HECW1: variants seen among roughly 807,000 people sequenced by gnomAD.
HECW1 encodes HECT, C2 and WW domain containing E3 ubiquitin protein ligase 1, also known as E3 ubiquitin-protein ligase HECW1.
A neutral mutation model predicts 182.3 loss-of-function variants in HECW1; 61 were observed. The observed-to-expected ratio is 0.33, with a 90% CI of 0.27 to 0.41. The LOEUF (loss-of-function observed/expected upper bound fraction) is 0.41, where lower values mean the gene tolerates loss of function less well. Ranked by LOEUF, HECW1 falls within the 10% of genes least tolerant of loss-of-function variation. The probability of loss-of-function intolerance (pLI) is 1.00; values close to 1 mark genes in which losing one functional copy is unlikely to be tolerated. For synonymous variants in HECW1, 859 were observed against 832.6 expected, an observed-to-expected ratio of 1.03 and a Z score of -0.55; for missense variants, 1,739 against 2,108.9, an observed-to-expected ratio of 0.82 and a Z score of 3.44.
chr7:43,166,302 C>T (rs1176569988), intron 2 of HECW1, among the ~76,000 whole-genome samples: 3 of 152,112 alleles, frequency 2.0e-5, no homozygotes, highest in East Asian at 1.9e-4. Flanking sequence ...AGGTTGGTCA[C>T]GAACTCCTGA....
intron 24 of HECW1, among the ~76,000 whole-genome samples, chr7:43,524,500 G>A (rs1350688715): frequency 1.3e-5 from 2 of 152,104 alleles, no homozygotes; most frequent in Non-Finnish European, 2.9e-5. Flanking sequence ...GGAAAGAGGG[G>A]TATCTTTGAG....
chr7:43,332,024 A>G (rs1488878128), intron 5 of HECW1, among the ~76,000 whole-genome samples: 1 of 152,164 alleles, frequency 6.6e-6, no homozygotes, highest in Non-Finnish European at 1.5e-5. Context: ...AGTGTGGGTG[A>G]CGCAGGTGGC....
At chr7:43,309,824 C>T (rs1230975614) in intron 3 of HECW1, among the ~76,000 whole-genome samples, 2 of 152,178 alleles carry the variant, frequency 1.3e-5, no homozygotes, top group East Asian at 1.9e-4. Flanking sequence ...TGTTCAGTGA[C>T]GGAGCCTGGC....
At chr7:43,551,695 A>G (rs982748869) in intron 27 of HECW1, among the ~76,000 whole-genome samples, 2 of 152,186 alleles carry the variant, frequency 1.3e-5, no homozygotes, top group African/African-American at 4.8e-5. Flanking sequence ...CCGCTCATGA[A>G]GGCTTGTGTT....
chr7:43,244,311 G>C (rs1179025016), intron 3 of HECW1, among the ~76,000 whole-genome samples: 1 of 152,204 alleles, frequency 6.6e-6, no homozygotes. Flanking sequence ...AATAGGCCTT[G>C]AGACAAGAGC....
intron 16 of HECW1, 82 bp downstream of exon 16, chr7:43,469,187 T>C (rs2077913679): frequency 7.1e-7 from 1 of 1,410,230 alleles, no homozygotes; most frequent in African/African-American, 1.4e-5. Context: ...AGGAGGAGAG[T>C]GTGGGGAGGA....
intron 2 of HECW1, among the ~76,000 whole-genome samples, chr7:43,229,566 A>G (rs1797707463): frequency 6.6e-6 from 1 of 152,098 alleles, no homozygotes; most frequent in Non-Finnish European, 1.5e-5. Context: ...CTGTACCACA[A>G]TCCCCTGTGA....
intron 3 of HECW1, among the ~76,000 whole-genome samples, chr7:43,301,614 C>CTG (rs1806790773): frequency 6.6e-6 from 1 of 152,176 alleles, no homozygotes; most frequent in South Asian, 2.1e-4. Context: ...CAGTGGCTCA[C>CTG]GCCTGTAATT....
chr7:43,378,900 A>G (rs948506763), intron 6 of HECW1, among the ~76,000 whole-genome samples: 1 of 152,182 alleles, frequency 6.6e-6, no homozygotes, highest in Non-Finnish European at 1.5e-5. Flanking sequence ...TCAAAAAACA[A>G]AATAAAAAAC....
At chr7:43,205,075 GAAAC>G (rs1178203221) in intron 2 of HECW1, among the ~76,000 whole-genome samples, 4 of 152,076 alleles carry the variant, frequency 2.6e-5, no homozygotes, top group Non-Finnish European at 5.9e-5. Context: ...GATGTTGTCT[GAAAC>G]AAACAGTAAT....
At chr7:43,356,967 T>C (rs1815225041) in intron 5 of HECW1, among the ~76,000 whole-genome samples, 1 of 151,876 alleles carries the variant, frequency 6.6e-6, no homozygotes, top group African/African-American at 2.4e-5. Context: ...GACAGACAAA[T>C]GGCCAACAGA....
chr7:43,400,275 A>G (rs1191190543), intron 7 of HECW1, among the ~76,000 whole-genome samples: 1 of 152,196 alleles, frequency 6.6e-6, no homozygotes, highest in East Asian at 1.9e-4. Flanking sequence ...CCATGCCTCA[A>G]AAAAAGACAA....
In HECW1 at chr7:43,537,734, C is replaced by G. The variant is rs936971373; in HGVS notation, c.4020-3429C>G. Among the ~76,000 whole-genome samples, 3 of 152,272 alleles carry G rather than the reference C, an allele frequency of 2.0e-5. No individual in the cohort carries two copies. In the South Asian group the frequency reaches 6.2e-4, roughly 32 times the overall value. On this transcript the variant is annotated intron_variant, in intron 24 of 29. Transcript: ENST00000395891. ...TATATGGGACTGGCTTAGAGTCATC[C>G]CGTCTGTGGTTATGTAAAGCCAAAC...
intron 6 of HECW1, among the ~76,000 whole-genome samples, chr7:43,392,418 A>T (rs755093141): frequency 1.3e-5 from 2 of 152,254 alleles, no homozygotes; most frequent in Non-Finnish European, 2.9e-5. Flanking sequence ...GGTCTGGGCC[A>T]TTCCAAGAGG....
intron 2 of HECW1, among the ~76,000 whole-genome samples, chr7:43,218,534 A>T (rs958623076): frequency 1.3e-5 from 2 of 152,180 alleles, no homozygotes; most frequent in Admixed American, 1.3e-4. Context: ...AGAGGGAATG[A>T]ACCTGGCCAC....
At chr7:43,410,095 A>T (rs1208823537) in intron 8 of HECW1, among the ~76,000 whole-genome samples, 1 of 152,154 alleles carries the variant, frequency 6.6e-6, no homozygotes, top group Non-Finnish European at 1.5e-5. Flanking sequence ...CTCCTCTGTT[A>T]AAGCCTCAAG....
rs1251217801 is a variant in HECW1 at position 43,445,465 on chromosome 7, G to C, written c.2293G>C (p.Gly765Arg). 8 of 1,612,686 alleles carry C rather than the reference G, an allele frequency of 5.0e-6. No individual in the cohort carries two copies. Among genetic ancestry groups the C allele is most frequent in the Non-Finnish European group, 6.8e-6 (8 of 1,179,606 alleles). The part of the protein sequence containing the change: ...SPELDPESTN[G>R]AGPWQDELAA... ...TGAGCTGGACCCGGAGTCCACGAAC[G>C]GCGCTGGGCCGTGGCAAGACGAGCT... is the stretch of plus-strand genomic sequence containing the variant. The change falls in exon 11 of 30, where the codon GGC (glycine) becomes CGC (arginine). Residue 765 changes from glycine (G) to arginine (R), a missense_variant. Transcript: ENST00000395891.
intron 2 of HECW1, among the ~76,000 whole-genome samples, chr7:43,115,485 C>A (rs1784968908): frequency 6.6e-6 from 1 of 152,136 alleles, no homozygotes; most frequent in African/African-American, 2.4e-5. Flanking sequence ...TAATGAGACA[C>A]TCTAGATAGC....
At chr7:43,175,026 A>G (rs889859702) in intron 2 of HECW1, among the ~76,000 whole-genome samples, 18 of 152,328 alleles carry the variant, frequency 1.2e-4, no homozygotes, top group Admixed American at 3.3e-4. Context: ...AGCTCGAGGT[A>G]CCTATGGGCT....
Sources: gnomAD v4.1 joint callset for allele counts (sites outside exome capture counted in the v4.1 genomes callset) on GRCh38, gnomAD v4.1.1 for gene constraint, MANE v1.5 for transcripts, NCBI Gene and HGNC (gene_info 2026-07-23, HGNC 2026-07-21) for gene names.